Variants in TAOK1 observed in about 807,000 individuals in gnomAD.
The protein encoded by TAOK1 is serine/threonine-protein kinase TAO1.
In TAOK1, 21 loss-of-function variants were observed where a neutral mutation model predicts 138.3. The observed-to-expected ratio is 0.15, with a 90% CI of 0.11 to 0.22. The LOEUF (loss-of-function observed/expected upper bound fraction) is 0.22. Among genes scored for constraint, TAOK1 ranks in the 10% least tolerant of loss-of-function variants. TAOK1 has a pLI of 1.00. For synonymous variants in TAOK1, 361 were observed against 398.4 expected (o/e 0.91, Z 1.12); for missense variants, 651 against 1,227.7 (o/e 0.53, Z 7.02).
intron 17 of TAOK1, among the ~76,000 whole-genome samples, chr17:29,525,868 G>A (rs990680674): frequency 4.6e-5 from 7 of 152,182 alleles, no homozygotes; most frequent in African/African-American, 7.2e-5. Context: ...ATGGTGGCAC[G>A]TGCCTGTAGT....
intron 1 of TAOK1, among the ~76,000 whole-genome samples, chr17:29,421,368 A>G (rs1905440264): frequency 6.6e-6 from 1 of 152,186 alleles, no homozygotes; most frequent in African/African-American, 2.4e-5. Context: ...TTTTTACATT[A>G]TATCTGTTTG....
intron 14 of TAOK1, among the ~76,000 whole-genome samples, chr17:29,510,349 C>T (rs1298844072): frequency 6.6e-6 from 1 of 151,966 alleles, no homozygotes; most frequent in Non-Finnish European, 1.5e-5. Flanking sequence ...TGCACTGCAG[C>T]CAGGGTAACA....
At chr17:29,463,264 A>T (rs1019919434) in intron 2 of TAOK1, among the ~76,000 whole-genome samples, 1 of 152,086 alleles carries the variant, frequency 6.6e-6, no homozygotes, top group Non-Finnish European at 1.5e-5. Flanking sequence ...CTGCTGCCTC[A>T]TACTATATAC....
chr17:29,458,802 CTCCTGCCTCA>C (rs1236472337), intron 2 of TAOK1, among the ~76,000 whole-genome samples: 9 of 152,214 alleles, frequency 5.9e-5, no homozygotes, highest in Non-Finnish European at 8.8e-5. Flanking sequence ...TCAAGCAATT[CTCCTGCCTCA>C]GCCTGCCGAG....
intron 7 of TAOK1, among the ~76,000 whole-genome samples, chr17:29,481,787 A>G (rs1373884717): frequency 3.3e-5 from 5 of 151,832 alleles, no homozygotes; most frequent in Admixed American, 6.6e-5. Flanking sequence ...GTGAAACTCC[A>G]TCTCTACTAA....
intron 4 of TAOK1, among the ~76,000 whole-genome samples, chr17:29,476,984 T>G (rs1408879333): frequency 6.6e-6 from 1 of 152,062 alleles, no homozygotes; most frequent in Non-Finnish European, 1.5e-5. Context: ...TAGCTGGGAC[T>G]GCAGGCACCC....
At chr17:29,522,056 T>C (rs1463180177) in intron 16 of TAOK1, among the ~76,000 whole-genome samples, 5 of 152,202 alleles carry the variant, frequency 3.3e-5, no homozygotes, top group Non-Finnish European at 5.9e-5. Context: ...CTTAAGCTAA[T>C]GGTAATAAAA....
At chr17:29,541,206 T>C (rs1054052659) in intron 19 of TAOK1, among the ~76,000 whole-genome samples, 1 of 151,134 alleles carries the variant, frequency 6.6e-6, no homozygotes, top group African/African-American at 2.4e-5. Flanking sequence ...GCCTGCCAGG[T>C]TCAAGTGATT....
chr17:29,486,641 A>T (rs568829374), intron 8 of TAOK1, among the ~76,000 whole-genome samples: 1 of 152,294 alleles, frequency 6.6e-6, no homozygotes, highest in South Asian at 2.1e-4. Context: ...CAAGAAAAAA[A>T]AAAAAGTTAT....
intron 15 of TAOK1, among the ~76,000 whole-genome samples, chr17:29,516,656 C>G (rs1415689107): frequency 6.6e-6 from 1 of 151,886 alleles, no homozygotes; most frequent in African/African-American, 2.4e-5. Context: ...TGTGCACCAC[C>G]ATGTCTGGCT....
intron 8 of TAOK1, among the ~76,000 whole-genome samples, chr17:29,486,637 A>G (rs1407980341): frequency 6.6e-6 from 1 of 152,142 alleles, no homozygotes; most frequent in Non-Finnish European, 1.5e-5. Flanking sequence ...GACTCAAGAA[A>G]AAAAAAAAAG....
chr17:29,418,118 C>A (rs1905313226), intron 1 of TAOK1, among the ~76,000 whole-genome samples: 1 of 152,130 alleles, frequency 6.6e-6, no homozygotes, highest in South Asian at 2.1e-4. Flanking sequence ...AACTCCTGAG[C>A]TGAAGCAATC....
intron 19 of TAOK1, among the ~76,000 whole-genome samples, chr17:29,540,319 A>G (rs532105188): frequency 7.2e-4 from 109 of 152,014 alleles, no homozygotes; most frequent in African/African-American, 2.6e-3. Flanking sequence ...TTCCTCCCCT[A>G]TAGAGCAAAC....
chr17:29,519,362 C>G (rs964036548), intron 16 of TAOK1, among the ~76,000 whole-genome samples: 2 of 151,722 alleles, frequency 1.3e-5, no homozygotes, highest in African/African-American at 4.8e-5. Flanking sequence ...AGTAGAGATA[C>G]AAACAAATGA....
At chr17:29,493,493 C>T (rs149939807) in intron 10 of TAOK1, among the ~76,000 whole-genome samples, 61 of 140,826 alleles carry the variant, frequency 4.3e-4, no homozygotes, top group African/African-American at 1.5e-3. Flanking sequence ...AGCTCCATCT[C>T]GAAAAAAAAA....
intron 11 of TAOK1, among the ~76,000 whole-genome samples, chr17:29,496,995 C>G (rs2031427760): frequency 6.6e-6 from 1 of 152,112 alleles, no homozygotes; most frequent in Non-Finnish European, 1.5e-5. Flanking sequence ...ACCTCTTTTA[C>G]TCTCAAGGCC....
chr17:29,439,364 G>A (rs915619081), intron 1 of TAOK1, among the ~76,000 whole-genome samples: 1 of 151,836 alleles, frequency 6.6e-6, no homozygotes, highest in African/African-American at 2.4e-5. Flanking sequence ...CACCATGCCT[G>A]GCTAATTTTT....
chr17:29,419,301 A>G (rs1185421681), intron 1 of TAOK1, among the ~76,000 whole-genome samples: 1 of 151,746 alleles, frequency 6.6e-6, no homozygotes, highest in Non-Finnish European at 1.5e-5. Flanking sequence ...GGTTCAAGCG[A>G]TTCTCCTGCC....
At chr17:29,518,363 T>C (rs772818491) in intron 16 of TAOK1, among the ~76,000 whole-genome samples, 10 of 152,198 alleles carry the variant, frequency 6.6e-5, no homozygotes, top group Non-Finnish European at 1.0e-4. Context: ...TGTGCACCTG[T>C]AGTGCCAGCT....
Sources: allele counts gnomAD v4.1 joint callset (sites outside exome capture counted in the v4.1 genomes callset), GRCh38; gene constraint gnomAD v4.1.1; transcripts MANE v1.5; gene names NCBI Gene and HGNC (gene_info 2026-07-23, HGNC 2026-07-21).